ANKRD62: variants seen among roughly 807,000 people sequenced by gnomAD.
The protein encoded by ANKRD62 is ankyrin repeat domain 62.
ANKRD62 carries 61 observed loss-of-function variants against 98.8 expected under a neutral mutation model. That is an observed-to-expected ratio of 0.62 (90% CI 0.50 to 0.76). ANKRD62 has a LOEUF of 0.76. Ranked by LOEUF, ANKRD62 falls within the 30% of genes least tolerant of loss-of-function variation. ANKRD62 has a pLI of 0.00. For missense variants in ANKRD62, 933 were observed against 1,082.9 expected (o/e 0.86, Z 1.94); for synonymous variants, 341 against 367.9 (o/e 0.93, Z 0.84).
the ANKRD62 span, among the ~76,000 whole-genome samples, chr18:12,151,589 A>G: frequency 6.6e-6 from 1 of 152,292 alleles, no homozygotes; most frequent in Admixed American, 6.5e-5. Flanking sequence ...CTCTTGAACC[A>G]CAACACAATA....
chr18:12,118,395 G>C (rs1374706276), intron 10 of ANKRD62, among the ~76,000 whole-genome samples: 1 of 152,080 alleles, frequency 6.6e-6, no homozygotes, highest in Non-Finnish European at 1.5e-5. Flanking sequence ...GATCACCTGA[G>C]GTCAGGAGTT....
chr18:12,094,575 GTA>G (rs1909131667), intron 1 of ANKRD62, among the ~76,000 whole-genome samples: 1 of 8,474 alleles, frequency 1.2e-4, no homozygotes, highest in Non-Finnish European at 2.4e-4. Flanking sequence ...TGTGGTGGGG[GTA>G]GAGTTGGGTG....
intron 11 of ANKRD62, among the ~76,000 whole-genome samples, chr18:12,123,465 C>T (rs1909824004): frequency 6.6e-6 from 1 of 152,166 alleles, no homozygotes; most frequent in Admixed American, 6.5e-5. Flanking sequence ...AACTTCTATG[C>T]GGAAGGCAGA....
chr18:12,170,787 G>A, the ANKRD62 span, among the ~76,000 whole-genome samples: 8 of 152,132 alleles, frequency 5.3e-5, no homozygotes, highest in Admixed American at 1.3e-4. Flanking sequence ...AGGTCTCTAA[G>A]GACTTGCCTT....
the ANKRD62 span, among the ~76,000 whole-genome samples, chr18:12,145,112 T>C: frequency 4.6e-5 from 7 of 151,064 alleles, no homozygotes; most frequent in Non-Finnish European, 1.0e-4. Flanking sequence ...CATGTTTTTG[T>C]AGAACAGCTG....
chr18:12,109,060 C>A (rs1363350902), intron 8 of ANKRD62, among the ~76,000 whole-genome samples: 3 of 152,192 alleles, frequency 2.0e-5, no homozygotes, highest in Non-Finnish European at 4.4e-5. Context: ...GTGGATCTAC[C>A]TTTCTGGGGT....
At chr18:12,161,670 C>T in the ANKRD62 span, among the ~76,000 whole-genome samples, 3 of 152,124 alleles carry the variant, frequency 2.0e-5, no homozygotes, top group Non-Finnish European at 4.4e-5. Flanking sequence ...CCATCTCCAC[C>T]TCCTTGCCAC....
At chr18:12,127,640 A>T in intron 13 of ANKRD62, 108 bp from the exon 14 acceptor site, 1 of 716,920 alleles carries the variant, frequency 1.4e-6, no homozygotes, top group Non-Finnish European at 2.0e-6. Flanking sequence ...AAGAAGAATC[A>T]GTGTGTGGTG....
intron 10 of ANKRD62, 56 bp from the exon 11 acceptor site, chr18:12,122,247 A>G: frequency 2.3e-6 from 3 of 1,326,436 alleles, no homozygotes; most frequent in Admixed American, 2.3e-5. Context: ...ATAGTCCTTT[A>G]TATTTAAAAA....
chr18:12,100,646 G>A (rs538957211), intron 6 of ANKRD62, among the ~76,000 whole-genome samples: 3 of 152,290 alleles, frequency 2.0e-5, no homozygotes, highest in South Asian at 2.1e-4. Flanking sequence ...GATACCTACT[G>A]TGTAGAGAAG....
chr18:12,108,210 T>A (rs1174181170), intron 8 of ANKRD62, among the ~76,000 whole-genome samples: 2 of 152,192 alleles, frequency 1.3e-5, no homozygotes, highest in Non-Finnish European at 2.9e-5. Flanking sequence ...ATTAGTCTAT[T>A]TTCATACTGC....
At chr18:12,158,618 C>T in the ANKRD62 span, among the ~76,000 whole-genome samples, 3 of 151,802 alleles carry the variant, frequency 2.0e-5, no homozygotes, top group Non-Finnish European at 2.9e-5. Context: ...CTCTGCCTCC[C>T]GGGTTCACGC....
intron 7 of ANKRD62, 81 bp downstream of exon 7, chr18:12,103,309 CT>C: frequency 1.3e-6 from 1 of 761,994 alleles, no homozygotes. Context: ...TTGGACTAGC[CT>C]TTTAGAATCA....
the ANKRD62 span, among the ~76,000 whole-genome samples, chr18:12,156,211 C>T: frequency 3.3e-5 from 5 of 152,094 alleles, no homozygotes; most frequent in Admixed American, 1.3e-4. Context: ...GTTGGTGCCA[C>T]GCCTCCGGTG....
intron 8 of ANKRD62, among the ~76,000 whole-genome samples, chr18:12,109,532 A>G (rs1187448890): frequency 1.3e-5 from 2 of 152,212 alleles, no homozygotes; most frequent in East Asian, 1.9e-4. Context: ...AGGAAGCTAC[A>G]TGCTATGTTG....
chr18:12,154,753 TGTG>T, the ANKRD62 span, among the ~76,000 whole-genome samples: 1 of 152,104 alleles, frequency 6.6e-6, no homozygotes, highest in Non-Finnish European at 1.5e-5. Context: ...CCAAAGAAAA[TGTG>T]GTACATATAC....
At chr18:12,112,640 G>A (rs1272633040) in intron 8 of ANKRD62, among the ~76,000 whole-genome samples, 1 of 152,174 alleles carries the variant, frequency 6.6e-6, no homozygotes, top group Non-Finnish European at 1.5e-5. Context: ...ATACCATTCT[G>A]GACATAGGCA....
chr18:12,161,710 T>C, the ANKRD62 span, among the ~76,000 whole-genome samples: 2 of 152,074 alleles, frequency 1.3e-5, no homozygotes, highest in Non-Finnish European at 2.9e-5. Flanking sequence ...CAACCATCCT[T>C]CTACTCTCTA....
At chr18:12,170,691 C>T in the ANKRD62 span, among the ~76,000 whole-genome samples, 1 of 152,092 alleles carries the variant, frequency 6.6e-6, no homozygotes, top group African/African-American at 2.4e-5. Context: ...TCCTTGTTAA[C>T]CTTCTGTCTC....
Sources: gnomAD v4.1 joint callset for allele counts (sites outside exome capture counted in the v4.1 genomes callset) on GRCh38, gnomAD v4.1.1 for gene constraint, MANE v1.5 for transcripts, NCBI Gene and HGNC (gene_info 2026-07-23, HGNC 2026-07-21) for gene names.